The following CHRM3 variants were observed in gnomAD, a reference collection of about 807,000 sequenced individuals.
CHRM3 encodes muscarinic acetylcholine receptor M3.
CHRM3 carries 11 observed loss-of-function variants against 41.8 expected under a neutral mutation model. The observed-to-expected ratio is 0.26, with a 90% CI of 0.17 to 0.44. The LOEUF is 0.44. Among genes scored for constraint, CHRM3 ranks in the 20% least tolerant of loss-of-function variants. The pLI is 1.00. For synonymous variants in CHRM3, 297 were observed against 301.4 expected (o/e 0.99, Z 0.15); for missense variants, 571 against 745.4 (o/e 0.77, Z 2.72).
intron 6 of CHRM3, among the ~76,000 whole-genome samples, chr1:239,831,041 A>G (rs569046586): frequency 7.2e-4 from 109 of 152,166 alleles, no homozygotes; most frequent in South Asian, 6.8e-3. Flanking sequence ...ACATTTAAGA[A>G]GGGGCAGTGC....
intron 5 of CHRM3, among the ~76,000 whole-genome samples, chr1:239,765,115 G>T (rs1280383544): frequency 6.6e-6 from 1 of 152,206 alleles, no homozygotes; most frequent in Non-Finnish European, 1.5e-5. Flanking sequence ...ATGAGGTGAT[G>T]GGACCGGTCA....
intron 6 of CHRM3, among the ~76,000 whole-genome samples, chr1:239,829,709 C>T (rs534959686): frequency 1.3e-5 from 2 of 152,088 alleles, no homozygotes; most frequent in South Asian, 2.1e-4. Context: ...CAGACTGCCT[C>T]GATGTGAAAC....
At chr1:239,651,638 G>A (rs1052732784) in intron 4 of CHRM3, among the ~76,000 whole-genome samples, 2 of 152,170 alleles carry the variant, frequency 1.3e-5, no homozygotes, top group Non-Finnish European at 2.9e-5. Context: ...GGGGAGTGTA[G>A]AGAAGTTGGT....
chr1:239,526,566 C>A (rs886639907), intron 2 of CHRM3, among the ~76,000 whole-genome samples: 1 of 152,154 alleles, frequency 6.6e-6, no homozygotes, highest in South Asian at 2.1e-4. Flanking sequence ...GCCAGGAAGA[C>A]ATCTGGCCTC....
intron 1 of CHRM3, among the ~76,000 whole-genome samples, chr1:239,481,698 G>T (rs1666864395): frequency 6.6e-6 from 1 of 152,212 alleles, no homozygotes; most frequent in African/African-American, 2.4e-5. Context: ...ATAACATGTA[G>T]TGTGGGAGAT....
chr1:239,527,727 C>T (rs559946315), intron 2 of CHRM3, among the ~76,000 whole-genome samples: 11 of 152,300 alleles, frequency 7.2e-5, no homozygotes, highest in Admixed American at 2.6e-4. Flanking sequence ...TAACTTTCAA[C>T]GGTTTAAGCT....
At chr1:239,824,453 T>C (rs1033111938) in intron 5 of CHRM3, among the ~76,000 whole-genome samples, 2 of 152,204 alleles carry the variant, frequency 1.3e-5, no homozygotes, top group African/African-American at 2.4e-5. Context: ...GGCTGGCATA[T>C]AATCACAAAG....
intron 2 of CHRM3, among the ~76,000 whole-genome samples, chr1:239,536,697 C>T (rs1003640306): frequency 6.6e-6 from 1 of 152,072 alleles, no homozygotes; most frequent in Non-Finnish European, 1.5e-5. Flanking sequence ...AAACCCTGGT[C>T]GTAATGTTTT....
chr1:239,757,321 A>G (rs1306302293), intron 5 of CHRM3, among the ~76,000 whole-genome samples: 2 of 152,140 alleles, frequency 1.3e-5, no homozygotes, highest in Admixed American at 6.5e-5. Flanking sequence ...TCCATTCCGT[A>G]TATACAACCT....
intron 5 of CHRM3, among the ~76,000 whole-genome samples, chr1:239,718,405 A>G (rs964972158): frequency 7.9e-5 from 12 of 152,048 alleles, no homozygotes; most frequent in Non-Finnish European, 1.6e-4. Context: ...TCTTAGAGTC[A>G]GATACTGACT....
At chr1:239,584,182 C>T (rs554536440) in intron 3 of CHRM3, among the ~76,000 whole-genome samples, 1 of 148,904 alleles carries the variant, frequency 6.7e-6, no homozygotes, top group East Asian at 2.0e-4. Flanking sequence ...TGGCTCACTG[C>T]AACCTCCGCC....
chr1:239,711,836 G>T (rs951848437), intron 5 of CHRM3, among the ~76,000 whole-genome samples: 4 of 151,832 alleles, frequency 2.6e-5, no homozygotes, highest in African/African-American at 9.7e-5. Flanking sequence ...CTGCAGGCAC[G>T]CACCACCATA....
intron 3 of CHRM3, among the ~76,000 whole-genome samples, chr1:239,571,360 T>C (rs929604548): frequency 1.3e-5 from 2 of 152,178 alleles, no homozygotes; most frequent in Admixed American, 6.5e-5. Context: ...AACTAGAAGA[T>C]AGGAGTTTCC....
chr1:239,844,196 T>C (rs1276761441), intron 6 of CHRM3, among the ~76,000 whole-genome samples: 1 of 152,208 alleles, frequency 6.6e-6, no homozygotes, highest in African/African-American at 2.4e-5. Context: ...AGAAATTTTG[T>C]ATCCTTTGAT....
At chr1:239,531,067 A>G (rs980805257) in intron 2 of CHRM3, among the ~76,000 whole-genome samples, 1 of 152,156 alleles carries the variant, frequency 6.6e-6, no homozygotes, top group African/African-American at 2.4e-5. Context: ...AGAGAAAACA[A>G]GATAGAAAAA....
At chr1:239,588,522 C>G (rs1663675997) in intron 3 of CHRM3, among the ~76,000 whole-genome samples, 1 of 152,150 alleles carries the variant, frequency 6.6e-6, no homozygotes, top group South Asian at 2.1e-4. Context: ...TTCAGATGTT[C>G]TATTGCAATC....
chr1:239,592,566 A>T (rs1664302096), intron 3 of CHRM3, among the ~76,000 whole-genome samples: 1 of 152,064 alleles, frequency 6.6e-6, no homozygotes, highest in Non-Finnish European at 1.5e-5. Flanking sequence ...GTCTTTTGTG[A>T]GTGGCTTCTT....
chr1:239,667,280 A>C (rs1673902743), intron 4 of CHRM3, among the ~76,000 whole-genome samples: 1 of 152,042 alleles, frequency 6.6e-6, no homozygotes, highest in Non-Finnish European at 1.5e-5. Context: ...TTTTTCTTTT[A>C]ATCTCCAAGG....
At chr1:239,781,741 T>C (rs1668524218) in intron 5 of CHRM3, among the ~76,000 whole-genome samples, 1 of 152,144 alleles carries the variant, frequency 6.6e-6, no homozygotes, top group Admixed American at 6.5e-5. Context: ...AAGTATGATA[T>C]TAGTTGTGAA....
Sources: gnomAD v4.1 joint callset for allele counts (sites outside exome capture counted in the v4.1 genomes callset) on GRCh38, gnomAD v4.1.1 for gene constraint, MANE v1.5 for transcripts, NCBI Gene and HGNC (gene_info 2026-07-23, HGNC 2026-07-21) for gene names.